Variants in NRXN1 observed in about 807,000 individuals in gnomAD.
NRXN1 encodes neurexin 1.
A neutral mutation model predicts 150.9 loss-of-function variants in NRXN1; 39 were observed. The observed-to-expected ratio is 0.26, with a 90% confidence interval of 0.20 to 0.34. NRXN1 has a LOEUF of 0.34. Ranked by LOEUF, NRXN1 falls within the 10% of genes least tolerant of loss-of-function variation. The pLI, the probability that NRXN1 is intolerant of heterozygous loss-of-function variation, is 1.00. For synonymous variants in NRXN1, 924 were observed against 757.0 expected (o/e 1.22, Z -3.62); for missense variants, 1,815 against 1,949.9 (o/e 0.93, Z 1.30).
At chr2:49,942,214 A>G (rs1475079631) in intron 22 of NRXN1, among the ~76,000 whole-genome samples, 1 of 152,034 alleles carries the variant, frequency 6.6e-6, no homozygotes, top group Admixed American at 6.6e-5. Context: ...GAGAGTCCTG[A>G]CTGGCACTGT....
At chr2:50,791,254 A>G (rs1243308889) in intron 5 of NRXN1, among the ~76,000 whole-genome samples, 3 of 149,270 alleles carry the variant, frequency 2.0e-5, no homozygotes, top group African/African-American at 7.4e-5. Flanking sequence ...TGGAAATTGG[A>G]TAAGTTCCCT....
chr2:50,945,534 A>G (rs1023871704), intron 2 of NRXN1, among the ~76,000 whole-genome samples: 4 of 151,762 alleles, frequency 2.6e-5, no homozygotes, highest in Admixed American at 6.6e-5. Context: ...ATATATATAT[A>G]TATGGCTATG....
intron 5 of NRXN1, among the ~76,000 whole-genome samples, chr2:50,831,598 G>C (rs988922498): frequency 6.6e-6 from 1 of 152,116 alleles, no homozygotes; most frequent in Non-Finnish European, 1.5e-5. Flanking sequence ...GTATAAATAT[G>C]TTAAGATATG....
chr2:50,019,641 CAAAAAA>C (rs764073226), intron 21 of NRXN1, among the ~76,000 whole-genome samples: 9 of 25,554 alleles, frequency 3.5e-4, no homozygotes, highest in Admixed American at 6.2e-4. Flanking sequence ...GATTCCGTCT[CAAAAAA>C]AAAAAAAAAA....
At chr2:49,966,179 C>G (rs975202555) in intron 21 of NRXN1, among the ~76,000 whole-genome samples, 2 of 152,108 alleles carry the variant, frequency 1.3e-5, no homozygotes, top group Non-Finnish European at 1.5e-5. Flanking sequence ...AGTATAGGCC[C>G]CCATACCTTC....
At chr2:50,383,241 G>A (rs2081093983) in intron 17 of NRXN1, among the ~76,000 whole-genome samples, 1 of 152,114 alleles carries the variant, frequency 6.6e-6, no homozygotes, top group African/African-American at 2.4e-5. Flanking sequence ...TGATCATTCA[G>A]TATTGAATTG....
intron 21 of NRXN1, among the ~76,000 whole-genome samples, chr2:50,037,389 C>T (rs1190699311): frequency 6.6e-6 from 1 of 152,108 alleles, no homozygotes; most frequent in African/African-American, 2.4e-5. Flanking sequence ...ATCTTCCTCT[C>T]CTTCTAACAC....
At chr2:50,494,569 T>C (rs1245456037) in intron 15 of NRXN1, among the ~76,000 whole-genome samples, 1 of 152,188 alleles carries the variant, frequency 6.6e-6, no homozygotes, top group Non-Finnish European at 1.5e-5. Flanking sequence ...AAGATCTCTT[T>C]GAAGTTAGCA....
At chr2:50,443,011 T>C (rs537993259) in intron 17 of NRXN1, among the ~76,000 whole-genome samples, 6 of 152,250 alleles carry the variant, frequency 3.9e-5, no homozygotes, top group Non-Finnish European at 4.4e-5. Flanking sequence ...GGGAGCCAGA[T>C]TGGAGTGGGT....
intron 21 of NRXN1, among the ~76,000 whole-genome samples, chr2:49,965,953 C>T (rs573419516): frequency 5.3e-5 from 8 of 152,180 alleles, no homozygotes; most frequent in Admixed American, 1.3e-4. Context: ...CATTCACATA[C>T]GCAATTATTT....
chr2:50,757,431 T>C (rs1363860199), intron 5 of NRXN1, among the ~76,000 whole-genome samples: 1 of 151,858 alleles, frequency 6.6e-6, no homozygotes, highest in Admixed American at 6.6e-5. Context: ...AAGTACAGAA[T>C]GGATGATAGA....
At chr2:50,409,352 AC>A (rs2082983925) in intron 17 of NRXN1, among the ~76,000 whole-genome samples, 1 of 152,200 alleles carries the variant, frequency 6.6e-6, no homozygotes, top group Non-Finnish European at 1.5e-5. Context: ...TATAAAGAAA[AC>A]AAAACAAAAC....
At chr2:50,340,144 C>T (rs575253568) in intron 17 of NRXN1, among the ~76,000 whole-genome samples, 6 of 152,196 alleles carry the variant, frequency 3.9e-5, no homozygotes, top group South Asian at 2.1e-4. Context: ...TAAGCCCTGC[C>T]GTGGTTGTGA....
chr2:50,170,692 G>A (rs1477207745), intron 18 of NRXN1, among the ~76,000 whole-genome samples: 2 of 150,252 alleles, frequency 1.3e-5, no homozygotes, highest in African/African-American at 5.0e-5. Flanking sequence ...AAAAAACCCT[G>A]AAATCTGAAA....
chr2:49,975,141 AG>A (rs1678729819), intron 21 of NRXN1, among the ~76,000 whole-genome samples: 1 of 151,034 alleles, frequency 6.6e-6, no homozygotes, highest in Non-Finnish European at 1.5e-5. Context: ...GATTATATAC[AG>A]TCTGACAGGG....
At chr2:50,440,135 C>G (rs1359740337) in intron 17 of NRXN1, among the ~76,000 whole-genome samples, 1 of 152,018 alleles carries the variant, frequency 6.6e-6, no homozygotes, top group Non-Finnish European at 1.5e-5. Context: ...GCAGGATATT[C>G]CAGTGAGGAT....
intron 2 of NRXN1, among the ~76,000 whole-genome samples, chr2:51,019,887 A>G (rs1162986910): frequency 6.6e-6 from 1 of 152,030 alleles, no homozygotes; most frequent in African/African-American, 2.4e-5. Flanking sequence ...AATTATTCAT[A>G]AATAGGTCTG....
At chr2:50,734,552 A>G (rs1178673490) in intron 5 of NRXN1, among the ~76,000 whole-genome samples, 2 of 152,136 alleles carry the variant, frequency 1.3e-5, no homozygotes. Flanking sequence ...ACCATCAAAT[A>G]TCATAAAAAG....
rs186482156 is a variant in NRXN1 at position 50,352,295 on chromosome 2, G to A, written c.3364+113147C>T. 3.2e-3 allele frequency among the ~76,000 whole-genome samples: 492 copies of A among 152,222 alleles called. 4 individuals are homozygous for A. Among genetic ancestry groups the A allele is most frequent in the African/African-American group, 0.012 (484 of 41,548 alleles). On this transcript the variant is annotated intron_variant, in intron 17 of 22. Coordinates refer to ENST00000401669, the MANE Select transcript of NRXN1 (RefSeq NM_001330078.2). The stretch of plus-strand genomic sequence containing the variant: ...AATGGGAAAGGACAGGCCATTTCAA[G>A]TTATTTCTTCATATTACAAAAATCA...
Sources: allele counts gnomAD v4.1 joint callset (sites outside exome capture counted in the v4.1 genomes callset), GRCh38; gene constraint gnomAD v4.1.1; transcripts MANE v1.5; gene names NCBI Gene and HGNC (gene_info 2026-07-23, HGNC 2026-07-21).